PRIM2: variants seen among roughly 807,000 people sequenced by gnomAD.
PRIM2 encodes DNA primase large subunit.
Under a neutral mutation model 67.3 loss-of-function variants are expected in PRIM2, and 39 were observed. The observed-to-expected ratio is 0.58, with a 90% CI of 0.45 to 0.76. The LOEUF (loss-of-function observed/expected upper bound fraction) is 0.76. Among genes scored for constraint, PRIM2 ranks in the 30% least tolerant of loss-of-function variants. PRIM2 has a pLI of 0.00. For missense variants in PRIM2, 398 were observed against 598.7 expected (o/e 0.66, Z 3.50); for synonymous variants, 143 against 198.7 (o/e 0.72, Z 2.36).
chr6:57,374,584 G>A (rs1462300000), intron 5 of PRIM2, among the ~76,000 whole-genome samples: 7 of 145,868 alleles, frequency 4.8e-5, no homozygotes, highest in Admixed American at 1.4e-4. Flanking sequence ...GAGCCACCGC[G>A]CCCGGCCTTA....
chr6:57,455,905 G>A (rs1435635962), intron 7 of PRIM2, among the ~76,000 whole-genome samples: 1 of 152,204 alleles, frequency 6.6e-6, no homozygotes. Context: ...AATTTGGCAT[G>A]TTTTTGCAGT....
chr6:57,512,516 T>G (rs1774392201), intron 8 of PRIM2, among the ~76,000 whole-genome samples: 1 of 152,162 alleles, frequency 6.6e-6, no homozygotes, highest in South Asian at 2.1e-4. Context: ...TGGTAGATGG[T>G]TATTTATCAT....
chr6:57,279,469 C>T, the PRIM2 span, among the ~76,000 whole-genome samples: 4 of 151,320 alleles, frequency 2.6e-5, no homozygotes, highest in Non-Finnish European at 5.9e-5. Context: ...AATGCAGTGT[C>T]CCTGGGAGAA....
chr6:57,433,517 C>T (rs1348947099), intron 7 of PRIM2, among the ~76,000 whole-genome samples: 1 of 151,834 alleles, frequency 6.6e-6, no homozygotes, highest in African/African-American at 2.4e-5. Flanking sequence ...GGAAGCAGAG[C>T]ACATATTTTG....
intron 10 of PRIM2, among the ~76,000 whole-genome samples, chr6:57,554,958 C>T (rs1326836551): frequency 1.3e-5 from 2 of 152,150 alleles, no homozygotes; most frequent in Non-Finnish European, 2.9e-5. Context: ...CTGTGAGTGC[C>T]ACAGTGAATG....
chr6:57,595,273 C>T (rs1319620323), intron 10 of PRIM2, among the ~76,000 whole-genome samples: 3 of 152,038 alleles, frequency 2.0e-5, no homozygotes, highest in African/African-American at 7.2e-5. Flanking sequence ...TGTTCATGGC[C>T]ACTTGATTGA....
chr6:57,539,648 GTGTGTGTGTATA>G (rs1377343948), intron 10 of PRIM2, among the ~76,000 whole-genome samples: 84 of 78,988 alleles, frequency 1.1e-3, no homozygotes, highest in East Asian at 2.1e-3. Flanking sequence ...GTGTGTGTGT[GTGTGTGTGTATA>G]TATATATATA....
chr6:57,577,728 C>T (rs1454719586), intron 10 of PRIM2, among the ~76,000 whole-genome samples: 1 of 152,136 alleles, frequency 6.6e-6, no homozygotes, highest in African/African-American at 2.4e-5. Flanking sequence ...TGCGCCCAGC[C>T]ATAAACTTTT....
chr6:57,506,620 A>G (rs1375779421), intron 7 of PRIM2, among the ~76,000 whole-genome samples: 3 of 152,088 alleles, frequency 2.0e-5, no homozygotes, highest in Admixed American at 1.3e-4. Context: ...ACCTCAAGCT[A>G]TCTGATTACT....
the PRIM2 span, among the ~76,000 whole-genome samples, chr6:57,271,215 C>T: frequency 2.6e-5 from 4 of 152,310 alleles, no homozygotes; most frequent in African/African-American, 7.2e-5. Flanking sequence ...ACCAGCTCCT[C>T]TTTGTACCTC....
At chr6:57,288,988 G>A in the PRIM2 span, among the ~76,000 whole-genome samples, 8,751 of 152,028 alleles carry the variant, frequency 0.058, 267 homozygotes, top group Non-Finnish European at 0.072. Flanking sequence ...TCAGAAGGTC[G>A]GTAATAACAA....
chr6:57,301,257 G>A, the PRIM2 span, among the ~76,000 whole-genome samples: 1 of 152,158 alleles, frequency 6.6e-6, no homozygotes, highest in Non-Finnish European at 1.5e-5. Flanking sequence ...GGAGGTCACG[G>A]CGGGTAGATC....
chr6:57,536,697 G>T (rs1226056831), intron 9 of PRIM2, among the ~76,000 whole-genome samples: 1 of 152,146 alleles, frequency 6.6e-6, no homozygotes. Flanking sequence ...GAATCTTGAG[G>T]GAATTCTGCT....
chr6:57,302,076 T>C, the PRIM2 span, among the ~76,000 whole-genome samples: 45 of 152,216 alleles, frequency 3.0e-4, no homozygotes, highest in Non-Finnish European at 5.3e-4. Context: ...ATTATTGCTT[T>C]CCAATTTAAA....
intron 5 of PRIM2, among the ~76,000 whole-genome samples, chr6:57,335,210 T>C (rs549277001): frequency 4.1e-3 from 627 of 152,206 alleles, no homozygotes; most frequent in African/African-American, 0.013. Context: ...CGGAGGGTCC[T>C]ACGCCCACGG....
At chr6:57,291,039 T>G in the PRIM2 span, among the ~76,000 whole-genome samples, 1 of 152,036 alleles carries the variant, frequency 6.6e-6, no homozygotes, top group African/African-American at 2.4e-5. Context: ...AAAAAAACCC[T>G]TCAAAAAATC....
At chr6:57,298,188 C>A in the PRIM2 span, among the ~76,000 whole-genome samples, 2 of 152,014 alleles carry the variant, frequency 1.3e-5, no homozygotes, top group African/African-American at 4.8e-5. Context: ...GGCGAAACCC[C>A]GTCTCTACTA....
At chr6:57,242,300 A>G in the PRIM2 span, among the ~76,000 whole-genome samples, 1 of 152,178 alleles carries the variant, frequency 6.6e-6, no homozygotes, top group South Asian at 2.1e-4. Context: ...TTTCCTGCCA[A>G]TAAAATGTAG....
chr6:57,240,107 T>G, the PRIM2 span, among the ~76,000 whole-genome samples: 9 of 145,504 alleles, frequency 6.2e-5, no homozygotes, highest in Non-Finnish European at 7.6e-5. Context: ...TTTTTTTTTT[T>G]TTTTTTTTTG....
Sources: gnomAD v4.1 joint callset for allele counts (sites outside exome capture counted in the v4.1 genomes callset) on GRCh38, gnomAD v4.1.1 for gene constraint, MANE v1.5 for transcripts, NCBI Gene and HGNC (gene_info 2026-07-23, HGNC 2026-07-21) for gene names.